PXDNL: variants seen among roughly 807,000 people sequenced by gnomAD.
PXDNL encodes peroxidasin like, also known as probable oxidoreductase PXDNL.
In PXDNL, 145 loss-of-function variants were observed where a neutral mutation model predicts 150.8. That is an observed-to-expected ratio of 0.96 (90% CI 0.84 to 1.10). The LOEUF is 1.10. Among genes scored for constraint, PXDNL ranks in the 50% least tolerant of loss-of-function variants. The probability of loss-of-function intolerance (pLI) is 0.00; values close to 1 mark genes in which losing one functional copy is unlikely to be tolerated. For missense variants in PXDNL, 2,087 were observed against 1,873.9 expected (o/e 1.11, Z -2.10); for synonymous variants, 757 against 725.7 (o/e 1.04, Z -0.69).
chr8:51,681,672 T>A (rs569378755), intron 1 of PXDNL, among the ~76,000 whole-genome samples: 6 of 152,240 alleles, frequency 3.9e-5, no homozygotes, highest in Admixed American at 1.3e-4. Flanking sequence ...GTTATGAGGT[T>A]GTGACATTAA....
At chr8:51,517,552 C>G (rs375698849) in intron 4 of PXDNL, among the ~76,000 whole-genome samples, 34 of 152,156 alleles carry the variant, frequency 2.2e-4, no homozygotes, top group African/African-American at 8.0e-4. Context: ...TTTGCCAGAG[C>G]AGTAGATTTG....
chr8:51,435,734 G>A, intron 12 of PXDNL: 1 of 369,262 alleles, frequency 2.7e-6, no homozygotes, highest in South Asian at 2.5e-5. Flanking sequence ...AGAAGATAGA[G>A]ACTGGATCCC....
intron 1 of PXDNL, 122 bp from the exon 2 acceptor site, chr8:51,654,882 A>G: frequency 2.7e-6 from 2 of 737,548 alleles, no homozygotes; most frequent in Non-Finnish European, 4.6e-6. Context: ...AGGACTAAAT[A>G]TAATTAAGAC....
chr8:51,420,958 G>T (rs1808935030), intron 14 of PXDNL, among the ~76,000 whole-genome samples: 1 of 152,184 alleles, frequency 6.6e-6, no homozygotes, highest in Non-Finnish European at 1.5e-5. Flanking sequence ...AAAGTGCTGG[G>T]ATTACAGGCA....
At chr8:51,485,111 T>A (rs559160910) in intron 5 of PXDNL, among the ~76,000 whole-genome samples, 1 of 152,230 alleles carries the variant, frequency 6.6e-6, no homozygotes, top group South Asian at 2.1e-4. Flanking sequence ...TATTTTCTTA[T>A]CAGTGTTTTG....
intron 14 of PXDNL, among the ~76,000 whole-genome samples, chr8:51,416,356 A>AT (rs1433372579): frequency 3.9e-5 from 6 of 152,228 alleles, no homozygotes; most frequent in African/African-American, 1.4e-4. Context: ...ATCATTTAAT[A>AT]TGTGAATGTG....
At chr8:51,398,916 CA>C (rs1035350543) in intron 17 of PXDNL, among the ~76,000 whole-genome samples, 1 of 151,932 alleles carries the variant, frequency 6.6e-6, no homozygotes, top group African/African-American at 2.4e-5. Flanking sequence ...AACATTTAAA[CA>C]AATGTAGAAA....
chr8:51,607,955 GAAAT>G (rs1199064734), intron 2 of PXDNL, among the ~76,000 whole-genome samples: 4 of 136,158 alleles, frequency 2.9e-5, no homozygotes, highest in South Asian at 2.2e-4. Context: ...AAAGAAGAAA[GAAAT>G]AAAGAGAAAG....
chr8:51,443,370 G>C (rs1586110916), intron 12 of PXDNL, among the ~76,000 whole-genome samples: 2 of 152,042 alleles, frequency 1.3e-5, no homozygotes, highest in African/African-American at 4.8e-5. Context: ...ATAATGCTCT[G>C]AAAACAAAGA....
intron 1 of PXDNL, among the ~76,000 whole-genome samples, chr8:51,679,884 A>C (rs1286723722): frequency 1.3e-5 from 2 of 152,208 alleles, no homozygotes; most frequent in African/African-American, 4.8e-5. Context: ...TGAAAGGGCC[A>C]AAGTTATCCC....
chr8:51,483,753 A>G, intron 5 of PXDNL, 39 bp from the exon 6 acceptor site: 3 of 1,148,282 alleles, frequency 2.6e-6, no homozygotes, highest in South Asian at 2.8e-5. Context: ...CCATACAATA[A>G]TAATGAATTT....
chr8:51,429,747 G>C (rs1281793903), intron 12 of PXDNL, among the ~76,000 whole-genome samples: 1 of 140,904 alleles, frequency 7.1e-6, no homozygotes, highest in East Asian at 2.1e-4. Flanking sequence ...CTGGATCTTC[G>C]ACTAAGGAAA....
At chr8:51,805,922 G>A (rs959339611) in intron 1 of PXDNL, among the ~76,000 whole-genome samples, 5 of 152,138 alleles carry the variant, frequency 3.3e-5, no homozygotes, top group Admixed American at 6.5e-5. Context: ...TTACTGAACA[G>A]GCTCCCTAAA....
At chr8:51,624,661 TATATATATTATATATTATATATATA>T (rs1310934995) in intron 2 of PXDNL, among the ~76,000 whole-genome samples, 1 of 148,366 alleles carries the variant, frequency 6.7e-6, no homozygotes, top group Non-Finnish European at 1.5e-5. Context: ...TTTCTGATGA[TATATATATTATATATTATATATATA>T]ATATATATGT....
At position 51,775,467 on chromosome 8, in the gene PXDNL, G is replaced by A. The variant is rs181375888; in HGVS notation, c.164+33714C>T. ...GTTCATCAGTGTCACCCTGTGTTGC[G>A]GGAAGTCAAGGACCTTGAACGGAGG... On this transcript the variant is annotated intron_variant, in intron 1 of 22. Coordinates refer to ENST00000356297, the MANE Select transcript of PXDNL (RefSeq NM_144651.5). 2.0e-3 allele frequency among the ~76,000 whole-genome samples: 311 copies of A among 152,240 alleles called. 1 individual carries two copies. Among genetic ancestry groups the A allele is most frequent in the African/African-American group, 6.6e-3 (276 of 41,552 alleles).
chr8:51,403,313 C>A (rs191648621), intron 17 of PXDNL, among the ~76,000 whole-genome samples: 2 of 152,286 alleles, frequency 1.3e-5, no homozygotes, highest in Non-Finnish European at 2.9e-5. Context: ...TGTCACAAAT[C>A]CTTCTGGCAA....
intron 2 of PXDNL, among the ~76,000 whole-genome samples, chr8:51,643,256 C>A (rs1427342162): frequency 2.4e-4 from 37 of 152,272 alleles, no homozygotes; most frequent in Admixed American, 6.5e-5. Context: ...GCAAAAAGAA[C>A]AAAGCTGGAG....
At chr8:51,515,295 C>T (rs7003993) in intron 4 of PXDNL, among the ~76,000 whole-genome samples, 21,682 of 152,012 alleles carry the variant, frequency 0.14, 1,752 homozygotes, top group East Asian at 0.24. Context: ...GATAGGGTTC[C>T]AGGGGGCAGG....
intron 14 of PXDNL, among the ~76,000 whole-genome samples, chr8:51,422,234 T>G (rs1280129036): frequency 6.6e-6 from 1 of 152,090 alleles, no homozygotes; most frequent in East Asian, 1.9e-4. Flanking sequence ...ATTATTTCAT[T>G]ATATGTTACA....
Sources: allele counts gnomAD v4.1 joint callset (sites outside exome capture counted in the v4.1 genomes callset), GRCh38; gene constraint gnomAD v4.1.1; transcripts MANE v1.5; gene names NCBI Gene and HGNC (gene_info 2026-07-23, HGNC 2026-07-21).